The following SLC16A5 variants were observed in gnomAD, a reference collection of about 807,000 sequenced individuals.
SLC16A5 encodes solute carrier family 16 member 5, also known as monocarboxylate transporter 6.
SLC16A5 carries 29 observed loss-of-function variants against 33.2 expected under a neutral mutation model. That is an observed-to-expected ratio of 0.87 (90% CI 0.65 to 1.19). The LOEUF (loss-of-function observed/expected upper bound fraction) is 1.19. SLC16A5 is among the 50% of genes most tolerant of loss of function. SLC16A5 has a pLI of 0.00. For synonymous variants in SLC16A5, 248 were observed against 284.1 expected, an observed-to-expected ratio of 0.87 and a Z score of 1.28; for missense variants, 606 against 678.2, an observed-to-expected ratio of 0.89 and a Z score of 1.18.
At position 75,100,832 on chromosome 17, in the gene SLC16A5, G is replaced by A; in HGVS notation, c.1153+16G>A. 1 of 1,557,694 alleles carries A rather than the reference G, an allele frequency of 6.4e-7. No homozygotes were observed. The highest frequency in any genetic ancestry group is 8.7e-7 in the Non-Finnish European group (1 of 1,147,210). ...CCACTGGCCGGTGAGGAGCTGGGAGGGAGGGCAGCCAGATAGTGTGGTAAA... is the reference window on the plus strand; with the variant it reads ...CCACTGGCCGGTGAGGAGCTGGGAGAGAGGGCAGCCAGATAGTGTGGTAAA... On this transcript the variant is annotated intron_variant, in intron 5 of 6. Coordinates refer to ENST00000329783, the MANE Select transcript of SLC16A5 (RefSeq NM_004695.4).
downstream of SLC16A5, chr17:75,106,209 C>A: frequency 2.2e-6 from 1 of 449,540 alleles, no homozygotes; most frequent in South Asian, 4.3e-5. Context: ...GTTGAAAAGT[C>A]TGACTCGGTG....
At position 75,090,985 on chromosome 17, in the gene SLC16A5, C is replaced by T. The variant is rs891316019; in HGVS notation, c.-49+1681C>T. 2.6e-5 allele frequency among the ~76,000 whole-genome samples: 4 copies of T among 152,308 alleles called. No individual in the cohort carries two copies. In the South Asian group the frequency reaches 6.2e-4, roughly 24 times the overall value. On this transcript the variant is annotated intron_variant, in intron 2 of 6. Coordinates refer to ENST00000329783, the MANE Select transcript of SLC16A5 (RefSeq NM_004695.4). Reference sequence around the variant, plus strand: ...CTCTTCTCATAGAAAGAGACTTCTCCATAGACTTCTTCCTGGCAGAGCAAG... The same window carrying T: ...CTCTTCTCATAGAAAGAGACTTCTCTATAGACTTCTTCCTGGCAGAGCAAG...
intron 3 of SLC16A5, among the ~76,000 whole-genome samples, chr17:75,094,911 C>T (rs1295923050): frequency 1.3e-5 from 2 of 152,172 alleles, no homozygotes; most frequent in Non-Finnish European, 2.9e-5. Flanking sequence ...GGGAGCAGGG[C>T]AGAGGGAGGG....
intron 3 of SLC16A5, among the ~76,000 whole-genome samples, chr17:75,096,038 C>T (rs377458537): frequency 6.6e-6 from 1 of 151,750 alleles, no homozygotes; most frequent in African/African-American, 2.4e-5. Context: ...CTCCTGGGCT[C>T]AAGTGATCTA....
intron 2 of SLC16A5, among the ~76,000 whole-genome samples, chr17:75,092,850 T>A (rs9895111): frequency 0.078 from 11,757 of 150,454 alleles, 812 homozygotes; most frequent in African/African-American, 0.18. Flanking sequence ...TGTGTGTGTG[T>A]GTGTGTGTGT....
intron 3 of SLC16A5, among the ~76,000 whole-genome samples, chr17:75,096,355 C>T: frequency 7.2e-6 from 1 of 139,572 alleles, no homozygotes; most frequent in East Asian, 2.1e-4. Flanking sequence ...TGACTAAGGG[C>T]TTTCCCCAAT....
rs148529272 is a variant in SLC16A5, at chr17:75,105,651, A to C, written c.1365-229A>C. 4.0e-4 allele frequency: 393 copies of C among 985,346 alleles called. 1 individual carries two copies. In the African/African-American group the frequency reaches 4.9e-3, roughly 12 times the overall value. 61.0% of individuals were successfully genotyped at this position (985,346 alleles called of 1,614,324 possible). ...CTTGTCCCAGCAGGGTACCGAGGGA[A>C]TGATAAAACAGAATGTGTTTGAATT... On this transcript the variant is annotated intron_variant, in intron 6 of 6. Coordinates refer to ENST00000329783, the MANE Select transcript of SLC16A5 (RefSeq NM_004695.4).
At position 75,105,146 on chromosome 17, in the gene SLC16A5, T is replaced by G. The variant is rs1411622946; in HGVS notation, c.1365-734T>G. ...AGTGCAGAGGTCCAGGCTGAGGAGT[T>G]GAGTGGCGCGCCCATCCTGGCGCCT... On this transcript the variant is annotated intron_variant, in intron 6 of 6. Transcript: ENST00000329783. 4 of 985,170 alleles carry G rather than the reference T, an allele frequency of 4.1e-6. No individual in the cohort carries two copies. In the African/African-American group the frequency reaches 5.2e-5, roughly 13 times the overall value. 61.0% of individuals were successfully genotyped at this position (985,170 alleles called of 1,614,324 possible).
intron 3 of SLC16A5, among the ~76,000 whole-genome samples, chr17:75,096,929 G>A (rs139829259): frequency 3.5e-5 from 5 of 142,278 alleles, no homozygotes; most frequent in Admixed American, 1.5e-4. Context: ...AGGTTCAAGC[G>A]ATTCTCCTGC....
At chr17:75,094,814 C>T (rs1392318228) in intron 3 of SLC16A5, among the ~76,000 whole-genome samples, 1 of 152,232 alleles carries the variant, frequency 6.6e-6, no homozygotes, top group Non-Finnish European at 1.5e-5. Context: ...TGCCCCTTCT[C>T]CTGGCTCTGT....
At chr17:75,107,971 G>A (rs1254931636), downstream of SLC16A5, among the ~76,000 whole-genome samples, 1 of 152,108 alleles carries the variant, frequency 6.6e-6, no homozygotes, top group Non-Finnish European at 1.5e-5. Context: ...GGGTGCAGTG[G>A]TGCGTGCCTG....
chr17:75,105,603 G>A (rs575567196), intron 6 of SLC16A5: 2 of 985,386 alleles, frequency 2.0e-6, no homozygotes, highest in Admixed American at 1.2e-4. Flanking sequence ...CACCACCCAG[G>A]GGCTGGCTGT....
intron 3 of SLC16A5, among the ~76,000 whole-genome samples, chr17:75,096,066 A>G (rs930024034): frequency 5.9e-5 from 9 of 151,782 alleles, no homozygotes; most frequent in African/African-American, 2.2e-4. Flanking sequence ...GGGCCTCTCA[A>G]AATGCTGGGA....
Position 75,106,158 on chromosome 17 carries a change from G to T in SLC16A5, c.*125G>T. Reference sequence around the variant, plus strand: ...AATAATAAAATTTAATTTTAAAAAAGAAAACGTAGGAGGTTGGTTTGGATG... The same window carrying T: ...AATAATAAAATTTAATTTTAAAAAATAAAACGTAGGAGGTTGGTTTGGATG... On this transcript the variant is annotated 3_prime_UTR_variant, in exon 7 of 7. Coordinates refer to ENST00000329783, the MANE Select transcript of SLC16A5 (RefSeq NM_004695.4). 9.7e-6 allele frequency: 5 copies of T among 515,464 alleles called. No individual in the cohort carries two copies. The allele number at this position is 515,464 out of a possible 1,614,324, so 31.9% of individuals were successfully genotyped here.
At chr17:75,091,069 C>T (rs1000396575) in intron 2 of SLC16A5, among the ~76,000 whole-genome samples, 2 of 152,174 alleles carry the variant, frequency 1.3e-5, no homozygotes, top group African/African-American at 4.8e-5. Flanking sequence ...GCCTCCAGGC[C>T]TCCCAAATGC....
At chr17:75,103,845 A>C in intron 5 of SLC16A5, 125 bp from the exon 6 acceptor site, 4 of 783,494 alleles carry the variant, frequency 5.1e-6, no homozygotes. Context: ...TTGAGTGTCT[A>C]CTGGGTGTCA....
chr17:75,104,705 C>T, intron 6 of SLC16A5: 1 of 921,202 alleles, frequency 1.1e-6, no homozygotes, highest in Non-Finnish European at 1.3e-6. Flanking sequence ...CCACCTCAGC[C>T]TCCCAAAGTG....
chr17:75,103,156 T>G (rs1325395215), intron 5 of SLC16A5, among the ~76,000 whole-genome samples: 4 of 152,140 alleles, frequency 2.6e-5, no homozygotes, highest in Non-Finnish European at 5.9e-5. Flanking sequence ...CCCAGAGTGC[T>G]GGGATTACAG....
downstream of SLC16A5, among the ~76,000 whole-genome samples, chr17:75,109,230 C>T (rs2081123111): frequency 6.6e-6 from 1 of 152,210 alleles, no homozygotes; most frequent in South Asian, 2.1e-4. The surrounding 1 kb of genome is among the most constrained non-coding windows in gnomAD (Gnocchi z 5.0). Context: ...CTCGGGCTCC[C>T]CCGTGCTGCC....
Sources: allele counts gnomAD v4.1 joint callset (sites outside exome capture counted in the v4.1 genomes callset), GRCh38; gene constraint gnomAD v4.1.1; non-coding constraint Gnocchi (gnomAD v3.1); transcripts MANE v1.5; gene names NCBI Gene and HGNC (gene_info 2026-07-23, HGNC 2026-07-21).